RAPH1: variants seen among roughly 807,000 people sequenced by gnomAD.
RAPH1 encodes Ras association (RalGDS/AF-6) and pleckstrin homology domains 1.
Under a neutral mutation model 88.1 loss-of-function variants are expected in RAPH1, and 18 were observed. The ratio of observed to expected loss-of-function variants is 0.20; its 90% confidence interval spans 0.14 to 0.30. The LOEUF is 0.30. RAPH1 is among the 10% of genes least tolerant of loss of function. The probability of loss-of-function intolerance (pLI) is 1.00; values close to 1 mark genes in which losing one functional copy is unlikely to be tolerated. For synonymous variants in RAPH1, 587 were observed against 559.0 expected, an observed-to-expected ratio of 1.05 and a Z score of -0.71; for missense variants, 1,448 against 1,543.2, an observed-to-expected ratio of 0.94 and a Z score of 1.03.
intron 4 of RAPH1, among the ~76,000 whole-genome samples, chr2:203,471,432 T>C (rs2098532986): frequency 6.6e-6 from 1 of 152,088 alleles, no homozygotes; most frequent in Admixed American, 6.6e-5. Context: ...GTCAACATGG[T>C]GAAACCCCGT....
rs1220257165 is a variant in RAPH1 at position 203,453,589 on chromosome 2, A to G, written c.1413+841T>C. Among the ~76,000 whole-genome samples the G allele has an allele frequency of 2.7e-5, 4 of 149,442 alleles. No homozygotes were observed. The East Asian group carries it at 7.8e-4, about 29-fold the overall frequency. ...AAAAAAAAAAAAGGTTGCTACTACA[A>G]TGTACTGACTTTATCAAAGCAATCA... On this transcript the variant is annotated intron_variant, in intron 10 of 13. Transcript: ENST00000319170.
chr2:203,533,799 T>C (rs1219188190), intron 1 of RAPH1, among the ~76,000 whole-genome samples: 1 of 152,154 alleles, frequency 6.6e-6, no homozygotes, highest in Non-Finnish European at 1.5e-5. Flanking sequence ...AACACCTCTA[T>C]GCCAGGCAAG....
rs2105792717 is a variant in RAPH1, at chr2:203,482,664, A to G, written c.732+6920T>C. ...ATTCCAAATTCCAAATTAAATGGGCATGATATTGTATGCCTGAGGACCCAG... is the reference window on the plus strand; with the variant it reads ...ATTCCAAATTCCAAATTAAATGGGCGTGATATTGTATGCCTGAGGACCCAG... On this transcript the variant is annotated intron_variant, in intron 4 of 13. Coordinates refer to ENST00000319170, the MANE Select transcript of RAPH1 (RefSeq NM_213589.3). Among the ~76,000 whole-genome samples, 7 of 152,270 alleles carry G rather than the reference A, an allele frequency of 4.6e-5. 1 individual carries two copies. In the South Asian group the frequency reaches 1.5e-3, roughly 32 times the overall value.
intron 1 of RAPH1, among the ~76,000 whole-genome samples, chr2:203,528,140 G>A (rs1287507351): frequency 6.6e-6 from 1 of 152,098 alleles, no homozygotes; most frequent in South Asian, 2.1e-4. Flanking sequence ...AAGTGGCTGT[G>A]CTGTGGCAGT....
At chr2:203,503,525 C>T (rs1167831852) in intron 1 of RAPH1, among the ~76,000 whole-genome samples, 1 of 152,158 alleles carries the variant, frequency 6.6e-6, no homozygotes, top group Non-Finnish European at 1.5e-5. Context: ...TCCCCCTGGG[C>T]CCCTCCCACA....
Position 203,437,577 on chromosome 2 carries a change from G to C in RAPH1, c.*1860C>G, listed in dbSNP as rs1322634003. ...AATTTGAAAGACCTAAAAATTAATGGTATATATTCTTATTGCTCCATAACC... is the reference window on the plus strand; with the variant it reads ...AATTTGAAAGACCTAAAAATTAATGCTATATATTCTTATTGCTCCATAACC... On this transcript the variant is annotated 3_prime_UTR_variant, in exon 14 of 14. Transcript: ENST00000319170. The C allele has an allele frequency of 6.6e-6, 1 of 152,264 alleles. No homozygotes were observed. The highest frequency in any genetic ancestry group is 1.5e-5 in the Non-Finnish European group (1 of 68,144). 9.4% of individuals were successfully genotyped at this position (152,264 alleles called of 1,614,324 possible).
chr2:203,450,477 C>T (rs935640514), intron 10 of RAPH1, among the ~76,000 whole-genome samples: 4 of 152,058 alleles, frequency 2.6e-5, no homozygotes, highest in Admixed American at 2.6e-4. Flanking sequence ...ATAATAGTGA[C>T]CTTGAAAAAG....
chr2:203,476,300 A>G (rs1345238045), intron 4 of RAPH1, among the ~76,000 whole-genome samples: 7 of 152,010 alleles, frequency 4.6e-5, no homozygotes, highest in Admixed American at 4.6e-4. Context: ...CCTCCTGAGT[A>G]GCTGGGATTA....
chr2:203,510,496 A>G (rs974511017), intron 1 of RAPH1, among the ~76,000 whole-genome samples: 2 of 152,190 alleles, frequency 1.3e-5, no homozygotes. Context: ...AGGAGAGCAG[A>G]GAGTATTCTC....
chr2:203,440,670 T>C lies in RAPH1; in HGVS notation c.2520A>G (p.Leu840=). Residue 840 remains leucine, a synonymous_variant, in exon 14 of 14, where the codon TTA becomes TTG. Coordinates refer to ENST00000319170, the MANE Select transcript of RAPH1 (RefSeq NM_213589.3). ...TPPVPVPPPT[L]PKQQSFCAKP... ...TTGCACAGAAGCTCTGTTGCTTGGG[T>C]AATGTTGGCGGGGGTACTGGAACAG... The C allele has an allele frequency of 6.5e-7, 1 of 1,536,946 alleles. No individual in the cohort carries two copies. The highest frequency in any genetic ancestry group is 1.2e-5 in the South Asian group (1 of 81,734).
chr2:203,440,149 C>A lies in RAPH1; in HGVS notation c.3041G>T (p.Ser1014Ile). Residue 1014 changes from serine to isoleucine, a missense_variant, in exon 14 of 14, where the codon AGC (serine) becomes ATC (isoleucine). By Grantham distance (142) the Ser-to-Ile change is moderately radical. Around this residue, in one of 2 missense-constraint regions of RAPH1, gnomAD observed 935 missense variants for 890.1 expected, o/e 1.05. Coordinates refer to ENST00000319170, the MANE Select transcript of RAPH1 (RefSeq NM_213589.3). ...FTPPAESGSP[S>I]KETLPPPAAP... ...TGCAGGAGGTGGTAGGGTCTCCTTG[C>A]TGGGAGACCCTGATTCTGCTGGCGG... The A allele has an allele frequency of 6.2e-7, 1 of 1,613,590 alleles. No individual in the cohort carries two copies. The highest frequency in any genetic ancestry group is 8.5e-7 in the Non-Finnish European group (1 of 1,179,988).
rs1581345897 is a variant in RAPH1 at position 203,489,563 on chromosome 2, G to A, written c.732+21C>T. 2.1e-6 allele frequency: 3 copies of A among 1,430,328 alleles called. No individual in the cohort carries two copies. In the East Asian group the frequency reaches 7.1e-5, roughly 34 times the overall value. 88.6% of individuals were successfully genotyped at this position (1,430,328 alleles called of 1,614,324 possible). A position where few individuals can be genotyped will look rare whatever the true frequency, so the allele number is the denominator to read the frequency against. ...TTTATTTTAATAACAAAATACCAGG[G>A]AAAAAGTTCCATTTATTTACCTCAG... is the stretch of plus-strand genomic sequence containing the variant. On this transcript the variant is annotated intron_variant, in intron 4 of 13. Coordinates refer to ENST00000319170, the MANE Select transcript of RAPH1 (RefSeq NM_213589.3).
At position 203,438,375 on chromosome 2, in the gene RAPH1, ATT is replaced by A. The variant is rs1491158044; in HGVS notation, c.*1060_*1061del. 4.3e-5 allele frequency: 15 copies of A among 346,962 alleles called. No individual in the cohort carries two copies. The highest frequency in any genetic ancestry group is 2.8e-4 in the African/African-American group (13 of 46,398). The allele number at this position is 346,962 out of a possible 1,614,324, so 21.5% of individuals were successfully genotyped here. A position where few individuals can be genotyped will look rare whatever the true frequency, so the allele number is the denominator to read the frequency against. On this transcript the variant is annotated 3_prime_UTR_variant, in exon 14 of 14. Transcript: ENST00000319170. ...CTCAAAAAATGCATTTTAGAAAATG[ATT>A]TTGTTTTTCATAATGCACCATATTG...
At position 203,437,358 on chromosome 2, in the gene RAPH1, ACT is replaced by A. The variant is rs552887315; in HGVS notation, c.*2077_*2078del. On this transcript the variant is annotated 3_prime_UTR_variant, in exon 14 of 14. Transcript: ENST00000319170. ...GATAACTGGATTCATATTCTTACTA[ACT>A]CTAACCCACAAATATGGGTGCCCCT... 4.7e-3 allele frequency: 709 copies of A among 152,254 alleles called. 10 individuals are homozygous for A. Among genetic ancestry groups the A allele is most frequent in the African/African-American group, 0.016 (671 of 41,554 alleles). 9.4% of individuals were successfully genotyped at this position (152,254 alleles called of 1,614,324 possible).
At chr2:203,503,510 T>G (rs1581373799) in intron 1 of RAPH1, among the ~76,000 whole-genome samples, 2 of 152,160 alleles carry the variant, frequency 1.3e-5, no homozygotes, top group East Asian at 1.9e-4. Flanking sequence ...CAAGATTCAA[T>G]TATCTCCCCC....
rs146133885 is a variant in RAPH1, at chr2:203,455,108, T to G, written c.1302+329A>C. Among the ~76,000 whole-genome samples, 369 of 151,986 alleles carry G rather than the reference T, an allele frequency of 2.4e-3. 3 individuals carry two copies. Among genetic ancestry groups the G allele is most frequent in the African/African-American group, 8.1e-3 (336 of 41,470 alleles). ...GAAGAAGCATATTACCCAAACAAGA[T>G]AAAAAAGCCTGTAATCCCAGAGAGC... On this transcript the variant is annotated intron_variant, in intron 9 of 13. Coordinates refer to ENST00000319170, the MANE Select transcript of RAPH1 (RefSeq NM_213589.3).
At chr2:203,479,544 G>A (rs1412258947) in intron 4 of RAPH1, among the ~76,000 whole-genome samples, 1 of 150,630 alleles carries the variant, frequency 6.6e-6, no homozygotes, top group Non-Finnish European at 1.5e-5. Context: ...GAGGCCAGAG[G>A]TTTCAGTGAG....
In RAPH1 at chr2:203,484,996, A is replaced by ACAC. The variant is rs1394904112; in HGVS notation, c.732+4585_732+4587dup. Reference sequence around the variant, plus strand: ...AGAGACCACATGGTAAGTGCAGAAAACACCCTGGCTTAGGGAAACTTCATG... The same window carrying ACAC: ...AGAGACCACATGGTAAGTGCAGAAAACACCACCCTGGCTTAGGGAAACTTCATG... On this transcript the variant is annotated intron_variant, in intron 4 of 13. Transcript: ENST00000319170. Among the ~76,000 whole-genome samples the ACAC allele has an allele frequency of 5.3e-5, 8 of 152,284 alleles. No homozygotes were observed. The East Asian group carries it at 1.5e-3, about 29-fold the overall frequency.
At position 203,530,563 on chromosome 2, in the gene RAPH1, G is replaced by A. The variant is rs148950073; in HGVS notation, c.-1+4548C>T. ...CCATCGCACCCCCAAAATTAGCCAC[G>A]TATAACCATGTAGCACTATGGTCTT... On this transcript the variant is annotated intron_variant, in intron 1 of 13. Coordinates refer to ENST00000319170, the MANE Select transcript of RAPH1 (RefSeq NM_213589.3). Among the ~76,000 whole-genome samples, 212 of 152,182 alleles carry A rather than the reference G, an allele frequency of 1.4e-3. 2 individuals are homozygous for A. Among genetic ancestry groups the A allele is most frequent in the African/African-American group, 4.8e-3 (201 of 41,518 alleles).
Sources: allele counts gnomAD v4.1 joint callset (sites outside exome capture counted in the v4.1 genomes callset), GRCh38; gene constraint gnomAD v4.1.1; regional missense constraint gnomAD v4.1.1; transcripts MANE v1.5; gene names NCBI Gene and HGNC (gene_info 2026-07-23, HGNC 2026-07-21).